CLYBL: variants seen among roughly 807,000 people sequenced by gnomAD.
The protein encoded by CLYBL is citramalyl-CoA lyase, mitochondrial.
CLYBL carries 31 observed loss-of-function variants against 38.9 expected under a neutral mutation model. The observed-to-expected ratio is 0.80, with a 90% CI of 0.60 to 1.08. CLYBL has a LOEUF of 1.08. Among genes scored for constraint, CLYBL ranks in the 50% least tolerant of loss-of-function variants. The pLI, the probability that CLYBL is intolerant of heterozygous loss-of-function variation, is 0.00. For synonymous variants in CLYBL, 171 were observed against 158.6 expected (o/e 1.08, Z -0.59); for missense variants, 434 against 411.6 (o/e 1.05, Z -0.47).
At chr13:99,686,766 A>G (rs1037430134) in intron 1 of CLYBL, among the ~76,000 whole-genome samples, 6 of 152,358 alleles carry the variant, frequency 3.9e-5, no homozygotes, top group African/African-American at 1.4e-4. Flanking sequence ...CAAATTTTCA[A>G]CACAGCATTG....
At chr13:99,864,957 ATATGTGTG>A in intron 5 of CLYBL, 46 bp downstream of exon 5, 7 of 1,215,116 alleles carry the variant, frequency 5.8e-6, no homozygotes, top group Non-Finnish European at 8.5e-6. Context: ...GTGTGTGTGT[ATATGTGTG>A]TATATATTTT....
chr13:99,841,617 C>G (rs955146547), intron 2 of CLYBL, among the ~76,000 whole-genome samples: 2 of 152,074 alleles, frequency 1.3e-5, no homozygotes, highest in Non-Finnish European at 2.9e-5. Flanking sequence ...CCAGGCTGGT[C>G]TTGAACTCCT....
chr13:99,657,067 T>C (rs2047340573), intron 1 of CLYBL, among the ~76,000 whole-genome samples: 1 of 152,234 alleles, frequency 6.6e-6, no homozygotes, highest in Non-Finnish European at 1.5e-5. Context: ...CGTGGACATC[T>C]TGGGGAGCTG....
chr13:99,754,437 AAAG>A (rs2049018035), intron 1 of CLYBL, among the ~76,000 whole-genome samples: 2 of 149,656 alleles, frequency 1.3e-5, no homozygotes, highest in Non-Finnish European at 3.0e-5. Context: ...AAAAAAAAAA[AAAG>A]AGGAGAGATG....
chr13:99,726,243 T>C (rs1321961763), intron 1 of CLYBL: 1 of 152,254 alleles, frequency 6.6e-6, no homozygotes, highest in East Asian at 1.9e-4. Context: ...GATGAACTCA[T>C]TCATTCATCA....
intron 7 of CLYBL, among the ~76,000 whole-genome samples, chr13:99,880,724 A>T (rs1310259408): frequency 6.6e-6 from 1 of 152,194 alleles, no homozygotes; most frequent in Non-Finnish European, 1.5e-5. Context: ...GCCTGCTCAG[A>T]CCATCACTGA....
At chr13:99,651,485 G>A (rs1193408796) in intron 1 of CLYBL, among the ~76,000 whole-genome samples, 1 of 152,106 alleles carries the variant, frequency 6.6e-6, no homozygotes. Flanking sequence ...TGGGAGAATC[G>A]CTTGAACCCA....
intron 1 of CLYBL, among the ~76,000 whole-genome samples, chr13:99,686,942 C>G (rs1269847071): frequency 2.0e-5 from 3 of 152,146 alleles, no homozygotes; most frequent in Non-Finnish European, 4.4e-5. Context: ...GCTTAGTAAC[C>G]TCGATAATGA....
intron 7 of CLYBL, among the ~76,000 whole-genome samples, chr13:99,873,198 T>G (rs1229841436): frequency 2.0e-5 from 3 of 152,244 alleles, no homozygotes; most frequent in Admixed American, 2.0e-4. Context: ...TTTTATCCAG[T>G]TAGCATGTTT....
chr13:99,743,966 CTTTTTTTTT>C (rs1162079530), intron 1 of CLYBL, among the ~76,000 whole-genome samples: 1 of 69,180 alleles, frequency 1.4e-5, no homozygotes, highest in East Asian at 3.8e-4. Flanking sequence ...TCTCTTCTTT[CTTTTTTTTT>C]TTTTTTTTTT....
chr13:99,631,922 A>G (rs2046952153), intron 1 of CLYBL, among the ~76,000 whole-genome samples: 1 of 152,142 alleles, frequency 6.6e-6, no homozygotes, highest in South Asian at 2.1e-4. Context: ...ATTTTTAAAA[A>G]CTATTGTAAG....
At chr13:99,879,445 G>GTT (rs1167178588) in intron 7 of CLYBL, among the ~76,000 whole-genome samples, 1 of 152,120 alleles carries the variant, frequency 6.6e-6, no homozygotes, top group African/African-American at 2.4e-5. Flanking sequence ...ACGGTGTCCT[G>GTT]CGTTTCAGTA....
chr13:99,780,427 C>CCA (rs2049618218), intron 2 of CLYBL, among the ~76,000 whole-genome samples: 1 of 152,176 alleles, frequency 6.6e-6, no homozygotes, highest in South Asian at 2.1e-4. Context: ...GTCACCCAGG[C>CCA]TGGAGTGCAG....
chr13:99,862,253 T>A (rs1182435829), intron 3 of CLYBL, among the ~76,000 whole-genome samples: 1 of 152,174 alleles, frequency 6.6e-6, no homozygotes, highest in Admixed American at 6.5e-5. Context: ...TCTTATTAGA[T>A]CTAGATAGAC....
downstream of CLYBL, chr13:99,892,788 C>T (rs767528419): frequency 1.3e-5 from 2 of 152,232 alleles, no homozygotes; most frequent in Non-Finnish European, 2.9e-5. Context: ...CTCTGCGGCC[C>T]CTAGCATGAG....
At chr13:99,732,744 A>G (rs1335476078) in intron 1 of CLYBL, among the ~76,000 whole-genome samples, 12 of 152,234 alleles carry the variant, frequency 7.9e-5, no homozygotes, top group Admixed American at 6.5e-4. Flanking sequence ...GTGCTGTAAT[A>G]CAAGAGGCAT....
chr13:99,758,907 C>T (rs1008931661), intron 1 of CLYBL, among the ~76,000 whole-genome samples: 5 of 152,174 alleles, frequency 3.3e-5, no homozygotes, highest in African/African-American at 1.2e-4. Flanking sequence ...TTTTGTGCCA[C>T]CTCCTGACTG....
intron 2 of CLYBL, among the ~76,000 whole-genome samples, chr13:99,802,896 C>T (rs551825662): frequency 5.9e-5 from 9 of 152,304 alleles, no homozygotes; most frequent in African/African-American, 2.2e-4. Context: ...CTCAAATACA[C>T]GTACAGCGCT....
rs2047730752 is a variant in CLYBL, at chr13:99,681,254, A to G, written c.62+74497A>G. Among the ~76,000 whole-genome samples the G allele has an allele frequency of 3.3e-5, 5 of 152,296 alleles. No individual in the cohort carries two copies. In the South Asian group the frequency reaches 8.3e-4, roughly 25 times the overall value. ...TAGAATAGATACTAGTATCGTACCC[A>G]TGTTACATTTTCTGATTTGGATAAT... On this transcript the variant is annotated intron_variant, in intron 1 of 8. Transcript: ENST00000339105.
Sources: gnomAD v4.1 joint callset for allele counts (sites outside exome capture counted in the v4.1 genomes callset) on GRCh38, gnomAD v4.1.1 for gene constraint, MANE v1.5 for transcripts, NCBI Gene and HGNC (gene_info 2026-07-23, HGNC 2026-07-21) for gene names.